The following PCDH15 variants were observed in gnomAD, a reference collection of about 807,000 sequenced individuals.
PCDH15 encodes the protein protocadherin related 15.
PCDH15 carries 129 observed loss-of-function variants against 178.5 expected under a neutral mutation model. The ratio of observed to expected loss-of-function variants is 0.72; its 90% CI spans 0.63 to 0.84. The LOEUF (loss-of-function observed/expected upper bound fraction) is 0.84. Ranked by LOEUF, PCDH15 falls within the 40% of genes least tolerant of loss-of-function variation. The pLI, the probability that PCDH15 is intolerant of heterozygous loss-of-function variation, is 0.00. For missense variants in PCDH15, 2,230 were observed against 2,099.9 expected, an observed-to-expected ratio of 1.06 and a Z score of -1.21; for synonymous variants, 800 against 732.0, an observed-to-expected ratio of 1.09 and a Z score of -1.50.
intron 21 of PCDH15, among the ~76,000 whole-genome samples, chr10:53,973,767 C>T (rs537385947): frequency 6.6e-6 from 1 of 152,198 alleles, no homozygotes; most frequent in African/African-American, 2.4e-5. Context: ...AAAATCATAG[C>T]CATTGCTCCT....
chr10:53,808,762 T>C, intron 37 of PCDH15: 2 of 1,612,738 alleles, frequency 1.2e-6, no homozygotes, highest in Non-Finnish European at 1.7e-6. Context: ...CTTGCTTCTG[T>C]CATACGCTGG....
At chr10:54,210,252 T>G (rs1025275358) in intron 10 of PCDH15, among the ~76,000 whole-genome samples, 1 of 152,040 alleles carries the variant, frequency 6.6e-6, no homozygotes, top group Non-Finnish European at 1.5e-5. Flanking sequence ...TTGTATCAAA[T>G]GCACACACAT....
intron 15 of PCDH15, among the ~76,000 whole-genome samples, chr10:54,101,197 G>A (rs1369422572): frequency 1.3e-5 from 2 of 152,240 alleles, no homozygotes; most frequent in South Asian, 4.1e-4. Context: ...CTTCTCTGCC[G>A]CCATGTGAGA....
At chr10:54,166,499 T>C (rs896908217) in intron 13 of PCDH15, among the ~76,000 whole-genome samples, 1 of 150,976 alleles carries the variant, frequency 6.6e-6, no homozygotes, top group African/African-American at 2.5e-5. Flanking sequence ...AATAGTGCTT[T>C]TGTTTGTTTG....
intron 17 of PCDH15, among the ~76,000 whole-genome samples, chr10:54,073,127 G>A (rs2094277676): frequency 6.6e-6 from 1 of 151,590 alleles, no homozygotes; most frequent in Non-Finnish European, 1.5e-5. Context: ...GATTATATAT[G>A]TATGTGTGTA....
chr10:55,372,792 T>G (rs1845538585), intron 2 of PCDH15, among the ~76,000 whole-genome samples: 1 of 152,046 alleles, frequency 6.6e-6, no homozygotes, highest in South Asian at 2.1e-4. Context: ...TACATAGTCT[T>G]CTCCCAAGAC....
intron 2 of PCDH15, among the ~76,000 whole-genome samples, chr10:55,467,695 G>A (rs1161615266): frequency 6.6e-6 from 1 of 151,928 alleles, no homozygotes; most frequent in African/African-American, 2.4e-5. Flanking sequence ...GCTGGGCGTG[G>A]TGGTTCACGC....
At chr10:54,440,752 T>C (rs2075748651) in intron 3 of PCDH15, among the ~76,000 whole-genome samples, 2 of 152,082 alleles carry the variant, frequency 1.3e-5, no homozygotes, top group African/African-American at 2.4e-5. Flanking sequence ...ATACAAATAT[T>C]ACACTTTGTA....
chr10:54,202,545 T>G (rs991619085), intron 10 of PCDH15, among the ~76,000 whole-genome samples: 2 of 151,990 alleles, frequency 1.3e-5, no homozygotes, highest in African/African-American at 4.8e-5. Context: ...AGGCGCAGTG[T>G]CTCACGCCTG....
chr10:54,491,219 A>T (rs1355780835), intron 3 of PCDH15, among the ~76,000 whole-genome samples: 4 of 151,966 alleles, frequency 2.6e-5, no homozygotes, highest in Non-Finnish European at 5.9e-5. Context: ...TTGAATTTTA[A>T]ATGTTATTGT....
intron 3 of PCDH15, among the ~76,000 whole-genome samples, chr10:54,831,191 T>G (rs543718124): frequency 9.9e-5 from 15 of 152,206 alleles, no homozygotes; most frequent in African/African-American, 3.4e-4. Flanking sequence ...GTAAGATAAT[T>G]TTTTTATTCC....
chr10:54,535,877 T>A (rs1310985701), intron 2 of PCDH15, among the ~76,000 whole-genome samples: 1 of 152,210 alleles, frequency 6.6e-6, no homozygotes, highest in Non-Finnish European at 1.5e-5. Flanking sequence ...TTTATAGTTT[T>A]ATGTAAATAC....
intron 2 of PCDH15, among the ~76,000 whole-genome samples, chr10:54,651,360 T>A (rs778593280): frequency 6.6e-6 from 1 of 152,134 alleles, no homozygotes; most frequent in Admixed American, 6.5e-5. Context: ...AAAGCTTAGA[T>A]GTGGACACAA....
At chr10:53,809,423 C>A in intron 37 of PCDH15, 1 of 1,614,000 alleles carries the variant, frequency 6.2e-7, no homozygotes, top group Non-Finnish European at 8.5e-7. Flanking sequence ...AATATTCTGG[C>A]TCTCTTCCAT....
At chr10:55,575,189 T>C (rs879338914) in intron 2 of PCDH15, among the ~76,000 whole-genome samples, 5 of 152,080 alleles carry the variant, frequency 3.3e-5, no homozygotes, top group Non-Finnish European at 5.9e-5. Context: ...CTTATTAATA[T>C]ATAAAAGTGT....
intron 1 of PCDH15, among the ~76,000 whole-genome samples, chr10:54,693,353 A>G (rs1314957843): frequency 6.6e-6 from 1 of 152,110 alleles, no homozygotes; most frequent in Non-Finnish European, 1.5e-5. Context: ...GGATTCTTAA[A>G]CACATGTGTA....
intron 2 of PCDH15, among the ~76,000 whole-genome samples, chr10:55,012,358 A>C (rs1157665244): frequency 2.6e-5 from 4 of 152,156 alleles, no homozygotes. Context: ...AACAATTTAA[A>C]AATTAGATAT....
At chr10:54,341,274 G>C (rs926296288) in intron 6 of PCDH15, among the ~76,000 whole-genome samples, 1 of 152,108 alleles carries the variant, frequency 6.6e-6, no homozygotes, top group East Asian at 1.9e-4. Context: ...CTGGTAGGTG[G>C]TGACTGGTTT....
chr10:54,651,047 T>G (rs1034487597), intron 2 of PCDH15, among the ~76,000 whole-genome samples: 6 of 151,928 alleles, frequency 3.9e-5, no homozygotes, highest in African/African-American at 1.5e-4. Flanking sequence ...CAATCAAGAA[T>G]AACTTCTAGG....
Sources: allele counts gnomAD v4.1 joint callset (sites outside exome capture counted in the v4.1 genomes callset), GRCh38; gene constraint gnomAD v4.1.1; transcripts MANE v1.5; gene names NCBI Gene and HGNC (gene_info 2026-07-23, HGNC 2026-07-21).